The following KHDRBS2 variants were observed in gnomAD, a reference collection of about 807,000 sequenced individuals.
The protein encoded by KHDRBS2 is KH domain-containing, RNA-binding, signal transduction-associated protein 2.
In KHDRBS2, 26 loss-of-function variants were observed where a neutral mutation model predicts 44.3. The observed-to-expected ratio is 0.59, with a 90% confidence interval of 0.43 to 0.81. The LOEUF (loss-of-function observed/expected upper bound fraction) is 0.81. KHDRBS2 is among the 40% of genes least tolerant of loss of function. The probability of loss-of-function intolerance (pLI) is 0.00; values close to 1 mark genes in which losing one functional copy is unlikely to be tolerated. For missense variants in KHDRBS2, 476 were observed against 433.1 expected (o/e 1.10, Z -0.88); for synonymous variants, 194 against 151.1 (o/e 1.28, Z -2.08).
chr6:61,843,337 CTATTTTAT>C (rs1430698340), intron 6 of KHDRBS2, among the ~76,000 whole-genome samples: 1 of 121,734 alleles, frequency 8.2e-6, no homozygotes, highest in East Asian at 2.2e-4. Context: ...TGAATTATAT[CTATTTTAT>C]TATTATTATT....
intron 6 of KHDRBS2, among the ~76,000 whole-genome samples, chr6:61,848,487 ATATG>A (rs1481301912): frequency 0.08 from 3,372 of 42,404 alleles, 254 homozygotes; most frequent in African/African-American, 0.13. Flanking sequence ...ATATATATAT[ATATG>A]TATATATATA....
chr6:61,668,989 T>C, the KHDRBS2 span, among the ~76,000 whole-genome samples: 1 of 150,928 alleles, frequency 6.6e-6, no homozygotes, highest in African/African-American at 2.4e-5. Flanking sequence ...TTTATTTTCA[T>C]TTTTCATGGA....
intron 4 of KHDRBS2, among the ~76,000 whole-genome samples, chr6:61,954,370 C>CATATAT (rs1765503020): frequency 5.5e-5 from 3 of 54,994 alleles, no homozygotes; most frequent in African/African-American, 9.2e-5. Flanking sequence ...TACATATATA[C>CATATAT]GTATGTATGC....
chr6:61,743,489 C>T (rs546758618), intron 6 of KHDRBS2, among the ~76,000 whole-genome samples: 385 of 151,930 alleles, frequency 2.5e-3, no homozygotes, highest in Non-Finnish European at 4.2e-3. Flanking sequence ...TAAATAATTT[C>T]GTTAAGTTTA....
chr6:62,045,108 C>G (rs528726485), intron 3 of KHDRBS2, among the ~76,000 whole-genome samples: 5 of 152,058 alleles, frequency 3.3e-5, no homozygotes, highest in South Asian at 2.1e-4. Context: ...AAGACCAAGT[C>G]TGGGCTTGGA....
intron 1 of KHDRBS2, among the ~76,000 whole-genome samples, chr6:62,195,509 AC>A (rs1433565048): frequency 6.6e-6 from 1 of 152,186 alleles, no homozygotes; most frequent in African/African-American, 2.4e-5. Flanking sequence ...TAGTCAACAA[AC>A]AAAAGTTCTC....
chr6:61,802,009 G>A (rs1786355631), intron 6 of KHDRBS2, among the ~76,000 whole-genome samples: 1 of 152,258 alleles, frequency 6.6e-6, no homozygotes, highest in African/African-American at 2.4e-5. Flanking sequence ...AAGGATCAAT[G>A]CATTATTGGT....
intron 6 of KHDRBS2, among the ~76,000 whole-genome samples, chr6:61,787,473 A>C (rs1310261895): frequency 1.3e-5 from 2 of 151,796 alleles, no homozygotes; most frequent in Non-Finnish European, 3.0e-5. Context: ...CATCACAAAT[A>C]AAAACCGTGG....
chr6:61,867,125 A>G (rs191117591), intron 6 of KHDRBS2, among the ~76,000 whole-genome samples: 73 of 152,284 alleles, frequency 4.8e-4, no homozygotes, highest in African/African-American at 1.6e-3. Context: ...TCCATTTTCA[A>G]TGTGCTGATA....
chr6:61,861,015 C>T (rs1796879235), intron 6 of KHDRBS2, among the ~76,000 whole-genome samples: 1 of 151,728 alleles, frequency 6.6e-6, no homozygotes, highest in South Asian at 2.1e-4. Flanking sequence ...GCATGTATGT[C>T]TTGAGAAGTG....
intron 1 of KHDRBS2, among the ~76,000 whole-genome samples, chr6:62,210,450 C>A (rs940183934): frequency 3.3e-5 from 5 of 151,738 alleles, no homozygotes; most frequent in African/African-American, 1.2e-4. Context: ...CCTGCCTCGG[C>A]CCCCAGAGTC....
intron 1 of KHDRBS2, among the ~76,000 whole-genome samples, chr6:62,228,191 C>T (rs527787764): frequency 2.6e-5 from 4 of 152,284 alleles, no homozygotes; most frequent in African/African-American, 7.2e-5. Context: ...ATTACTGCCT[C>T]AATTTCAGAA....
intron 6 of KHDRBS2, among the ~76,000 whole-genome samples, chr6:61,829,627 T>C (rs922652663): frequency 4.9e-4 from 74 of 152,104 alleles, no homozygotes; most frequent in African/African-American, 1.7e-3. Context: ...TTAAGCACTG[T>C]GGGAAACACA....
chr6:61,807,737 G>T (rs1272464680), intron 6 of KHDRBS2, among the ~76,000 whole-genome samples: 1 of 151,914 alleles, frequency 6.6e-6, no homozygotes, highest in Non-Finnish European at 1.5e-5. Context: ...TTATTAACTG[G>T]GTGACTAAAT....
chr6:61,574,483 C>A, the KHDRBS2 span: 1 of 1,185,740 alleles, frequency 8.4e-7, no homozygotes, highest in Non-Finnish European at 1.1e-6. Flanking sequence ...CTCTAACCTA[C>A]CAAACCTGCA....
chr6:61,983,751 A>G (rs866804563), intron 3 of KHDRBS2, among the ~76,000 whole-genome samples: 11 of 152,160 alleles, frequency 7.2e-5, no homozygotes, highest in Non-Finnish European at 1.5e-4. Flanking sequence ...TGTAATCAGG[A>G]CTTGTTTTGC....
At chr6:61,698,293 T>A (rs555523451) in intron 7 of KHDRBS2, among the ~76,000 whole-genome samples, 20 of 152,290 alleles carry the variant, frequency 1.3e-4, no homozygotes, top group African/African-American at 4.8e-4. Flanking sequence ...CAATCACTTA[T>A]TCCTGGAGAC....
chr6:61,664,144 A>G, the KHDRBS2 span, among the ~76,000 whole-genome samples: 2 of 151,810 alleles, frequency 1.3e-5, no homozygotes, highest in African/African-American at 2.4e-5. Context: ...TGATCTTTCT[A>G]CTTTTCTTAT....
intron 6 of KHDRBS2, among the ~76,000 whole-genome samples, chr6:61,850,196 A>C (rs1795228236): frequency 6.6e-6 from 1 of 152,036 alleles, no homozygotes; most frequent in Non-Finnish European, 1.5e-5. Flanking sequence ...CAGACTGAGA[A>C]AACTAATATT....
Sources: gnomAD v4.1 joint callset for allele counts (sites outside exome capture counted in the v4.1 genomes callset) on GRCh38, gnomAD v4.1.1 for gene constraint, MANE v1.5 for transcripts, NCBI Gene and HGNC (gene_info 2026-07-23, HGNC 2026-07-21) for gene names.